ITGA5: variants seen among roughly 807,000 people sequenced by gnomAD.
ITGA5 encodes the protein integrin alpha-5.
ITGA5 carries 55 observed loss-of-function variants against 146.3 expected under a neutral mutation model. That is an observed-to-expected ratio of 0.38 (90% CI 0.30 to 0.47). The LOEUF is 0.47. Among genes scored for constraint, ITGA5 ranks in the 20% least tolerant of loss-of-function variants. The pLI, the probability that ITGA5 is intolerant of heterozygous loss-of-function variation, is 0.99. For synonymous variants in ITGA5, 500 were observed against 531.8 expected, an observed-to-expected ratio of 0.94 and a Z score of 0.82; for missense variants, 1,131 against 1,329.0, an observed-to-expected ratio of 0.85 and a Z score of 2.32.
chr12:54,398,000 C>T (rs1370380195), intron 28 of ITGA5, among the ~76,000 whole-genome samples: 1 of 151,632 alleles, frequency 6.6e-6, no homozygotes, highest in Non-Finnish European at 1.5e-5. Flanking sequence ...TGGTCTCAAG[C>T]GATCCTCCTG....
rs1287269591 is a variant in ITGA5 at position 54,404,901 on chromosome 12, G to A, written c.1226-7C>T. 2.6e-6 allele frequency: 4 copies of A among 1,558,278 alleles called. No individual in the cohort carries two copies. In the East Asian group the frequency reaches 9.1e-5, roughly 36 times the overall value. ...GGAGCCCCGATGGCCACATCTGGAA[G>A]ACACAGAACACACACTAGTCAGCAG... is the stretch of plus-strand genomic sequence containing the variant. On this transcript the variant is annotated splice_polypyrimidine_tract_variant and splice_region_variant and intron_variant, in intron 12 of 29. Coordinates refer to ENST00000293379, the MANE Select transcript of ITGA5 (RefSeq NM_002205.5).
intron 28 of ITGA5, among the ~76,000 whole-genome samples, 181 bp from the exon 29 acceptor site, chr12:54,397,668 G>T (rs1320458348): frequency 6.6e-6 from 1 of 152,144 alleles, no homozygotes; most frequent in Non-Finnish European, 1.5e-5. Flanking sequence ...CCCCTTCAGG[G>T]TCCTGGGAAA....
chr12:54,406,114 T>C, intron 9 of ITGA5, 188 bp from the exon 10 acceptor site: 1 of 605,824 alleles, frequency 1.7e-6, no homozygotes, highest in South Asian at 1.9e-5. Context: ...CTATGTCTGC[T>C]TCACTATTTT....
chr12:54,408,818 G>A lies in ITGA5; in HGVS notation c.646-17C>T. ...ACGGCCAGTCTGTGGGTGAAAGGAGGGGAGTCCAACATCTGGTCCCAATCC... is the reference window on the plus strand; with the variant it reads ...ACGGCCAGTCTGTGGGTGAAAGGAGAGGAGTCCAACATCTGGTCCCAATCC... On this transcript the variant is annotated splice_polypyrimidine_tract_variant and intron_variant, in intron 5 of 29. Coordinates refer to ENST00000293379, the MANE Select transcript of ITGA5 (RefSeq NM_002205.5). 1 of 1,614,004 alleles carries A rather than the reference G, an allele frequency of 6.2e-7. No homozygotes were observed. Among genetic ancestry groups the A allele is most frequent in the Non-Finnish European group, 8.5e-7 (1 of 1,179,988 alleles).
chr12:54,411,733 G>C, intron 2 of ITGA5, 101 bp downstream of exon 2: 1 of 1,047,426 alleles, frequency 9.5e-7, no homozygotes, highest in South Asian at 2.2e-5. Context: ...CACGTGGCCG[G>C]GGTTCCAGCA....
At chr12:54,406,173 G>A (rs1362349528) in intron 9 of ITGA5, 2 of 574,138 alleles carry the variant, frequency 3.5e-6, no homozygotes, top group Non-Finnish European at 6.2e-6. Context: ...TTATCTGTTC[G>A]TTGTCCCTCT....
chr12:54,405,452 G>A (rs1955853755), intron 11 of ITGA5, 78 bp from the exon 12 acceptor site: 1 of 1,238,340 alleles, frequency 8.1e-7, no homozygotes, highest in South Asian at 1.4e-5. Flanking sequence ...AGAAATCCCG[G>A]ACACTCTGAA....
Position 54,398,652 on chromosome 12 carries a change from G to A in ITGA5, c.2888C>T (p.Ala963Val), listed in dbSNP as rs754720093. ...CAGGATTCGGTAGGGCATCTTCAGG[G>A]CTTTGTACACAGCCTCACACTGCAG... is the stretch of plus-strand genomic sequence containing the variant. The part of the protein sequence containing the change: ...FSLQCEAVYK[A>V]LKMPYRILPR... The change falls in exon 28 of 30, where the codon GCC (alanine) becomes GTC (valine). Residue 963 changes from alanine to valine, a missense_variant. Physicochemically the swap from Ala to Val is moderately conservative, Grantham distance 64. Around this residue, in one of 3 missense-constraint regions of ITGA5, gnomAD observed 889 missense variants for 1,021.5 expected, o/e 0.87. Transcript: ENST00000293379. The A allele has an allele frequency of 6.2e-7, 1 of 1,610,688 alleles. No individual in the cohort carries two copies. Among genetic ancestry groups the A allele is most frequent in the Admixed American group, 1.7e-5 (1 of 59,434 alleles).
chr12:54,400,861 GT>G lies in ITGA5; in HGVS notation c.2627del (p.Asn876ThrfsTer34), dbSNP rs1391414433. On this transcript the variant is annotated frameshift_variant, in exon 25 of 30. Coordinates refer to ENST00000293379, the MANE Select transcript of ITGA5 (RefSeq NM_002205.5). LOFTEE classifies it high-confidence loss of function. ...GLNCTTNHPINPKGLELDPEG... is the reference protein window; with the variant it reads ...GLNCTTNHPIXPKGLELDPEG... ...AGGATCTCACCTCCAGGCCCTTTGGGTTAATGGGGTGATTGGTGGTGCAGTT... is the reference window on the plus strand; with the variant it reads ...AGGATCTCACCTCCAGGCCCTTTGGGTAATGGGGTGATTGGTGGTGCAGTT... 6.2e-7 allele frequency: 1 copy of G among 1,614,062 alleles called. No homozygotes were observed. Among genetic ancestry groups the G allele is most frequent in the Non-Finnish European group, 8.5e-7 (1 of 1,179,986 alleles).
Position 54,419,170 on chromosome 12 carries a change from A to G in ITGA5, c.29T>C (p.Leu10Pro). Reference protein sequence around the residue: MGSRTPESPLHAVQLRWGPR... With the variant: MGSRTPESPPHAVQLRWGPR... Reference sequence around the variant, plus strand: ...GCCCCAGCGCAGCTGCACGGCGTGGAGAGGGGACTCTGGCGTCCGGCTCCC... The same window carrying G: ...GCCCCAGCGCAGCTGCACGGCGTGGGGAGGGGACTCTGGCGTCCGGCTCCC... The change falls in exon 1 of 30, where the codon CTC becomes CCC. Residue 10 changes from leucine (L) to proline (P), a missense_variant. Coordinates refer to ENST00000293379, the MANE Select transcript of ITGA5 (RefSeq NM_002205.5). 1 of 1,579,264 alleles carries G rather than the reference A, an allele frequency of 6.3e-7. No individual in the cohort carries two copies. Among genetic ancestry groups the G allele is most frequent in the South Asian group, 1.1e-5 (1 of 88,246 alleles).
rs932715844 is a variant in ITGA5, at chr12:54,401,344, C to A, written c.2493+29G>T. On this transcript the variant is annotated intron_variant, in intron 24 of 29. Transcript: ENST00000293379. The surrounding 1 kb of genome is among the most constrained non-coding windows in gnomAD (Gnocchi z 5.0). ...TATTAGCTCCTCCTTTCCCATCATT[C>A]ATTCTGGCCCTGCCCCTTCCCCCCT... 4 of 1,471,250 alleles carry A rather than the reference C, an allele frequency of 2.7e-6. No homozygotes were observed. Among genetic ancestry groups the A allele is most frequent in the Admixed American group, 3.4e-5 (2 of 59,634 alleles). The allele number at this position is 1,471,250 out of a possible 1,614,324, so 91.1% of individuals were successfully genotyped here.
chr12:54,396,107 T>TG lies in ITGA5; in HGVS notation c.*185dup, dbSNP rs1434379432. ...GTAAACAAGGGTCCTTCACAGTGCATGGGGGGGAGGGATCCCCAGCTCCTC... is the reference window on the plus strand; with the variant it reads ...GTAAACAAGGGTCCTTCACAGTGCATGGGGGGGGAGGGATCCCCAGCTCCTC... On this transcript the variant is annotated 3_prime_UTR_variant, in exon 30 of 30. Transcript: ENST00000293379. 4.8e-5 allele frequency: 28 copies of TG among 587,384 alleles called. No individual in the cohort carries two copies. The highest frequency in any genetic ancestry group is 2.0e-4 in the South Asian group (10 of 50,232). 36.4% of individuals were successfully genotyped at this position (587,384 alleles called of 1,614,324 possible).
At chr12:54,411,000 T>C (rs1373526983) in intron 2 of ITGA5, among the ~76,000 whole-genome samples, 2 of 152,228 alleles carry the variant, frequency 1.3e-5, no homozygotes, top group African/African-American at 4.8e-5. Context: ...GTGCTGGGAT[T>C]ACAAGCATGA....
rs79212587 is a variant in ITGA5 at position 54,402,859 on chromosome 12, A to G, written c.1982+124T>C. The G allele has an allele frequency of 7.7e-3, 5,489 of 716,048 alleles. 209 individuals carry two copies. The African/African-American group carries it at 0.083, about 11-fold the overall frequency. The allele number at this position is 716,048 out of a possible 1,614,324, so 44.4% of individuals were successfully genotyped here. On this transcript the variant is annotated intron_variant, in intron 19 of 29. Transcript: ENST00000293379. ...TGCTACTATTCCCACTATACAGACA[A>G]AGGAGTTAAAGCTCAGAGCAGCTCA...
chr12:54,406,611 A>C (rs1388273022), intron 9 of ITGA5, among the ~76,000 whole-genome samples: 1 of 152,104 alleles, frequency 6.6e-6, no homozygotes, highest in Non-Finnish European at 1.5e-5. Flanking sequence ...ATCTGGCCCT[A>C]ACCTATCTGT....
chr12:54,411,804 C>T, intron 2 of ITGA5, 30 bp downstream of exon 2: 2 of 1,471,222 alleles, frequency 1.4e-6, no homozygotes, highest in Non-Finnish European at 1.8e-6. Context: ...GTCCCACCCC[C>T]CAGTCCCTCC....
intron 1 of ITGA5, among the ~76,000 whole-genome samples, chr12:54,418,680 C>T (rs923522771): frequency 4.1e-5 from 6 of 147,526 alleles, no homozygotes; most frequent in African/African-American, 1.5e-4. Context: ...TCTCCATTCA[C>T]GCGCTCTCCT....
At chr12:54,398,561 G>A (rs1955743280) in intron 28 of ITGA5, 36 bp downstream of exon 28, 19 of 1,470,550 alleles carry the variant, frequency 1.3e-5, no homozygotes, top group Non-Finnish European at 1.8e-5. Flanking sequence ...TCTGAGCCCT[G>A]TATTCCCTCA....
Position 54,409,443 on chromosome 12 carries a change from C to CA in ITGA5, c.462+41dup. 1 of 1,610,266 alleles carries CA rather than the reference C, an allele frequency of 6.2e-7. No homozygotes were observed. The highest frequency in any genetic ancestry group is 8.5e-7 in the Non-Finnish European group (1 of 1,177,108). The stretch of plus-strand genomic sequence containing the variant: ...GGCCCGGCCTTACCCAACCACTGCC[C>CA]ATCCCCTGGCCACCACACCACTGAG... On this transcript the variant is annotated intron_variant, in intron 3 of 29. Coordinates refer to ENST00000293379, the MANE Select transcript of ITGA5 (RefSeq NM_002205.5). This position sits in a 1 kb window ranked among gnomAD's most constrained non-coding sequence, Gnocchi z 4.7.
Sources: allele counts gnomAD v4.1 joint callset (sites outside exome capture counted in the v4.1 genomes callset), GRCh38; gene constraint gnomAD v4.1.1; regional missense constraint gnomAD v4.1.1; non-coding constraint Gnocchi (gnomAD v3.1); transcripts MANE v1.5; gene names NCBI Gene and HGNC (gene_info 2026-07-23, HGNC 2026-07-21).